Variants in ROBO2 observed in about 807,000 individuals in gnomAD.
The protein encoded by ROBO2 is roundabout guidance receptor 2.
Under a neutral mutation model 160.8 loss-of-function variants are expected in ROBO2, and 53 were observed. The ratio of observed to expected loss-of-function variants is 0.33; its 90% CI spans 0.26 to 0.41. The LOEUF (loss-of-function observed/expected upper bound fraction) is 0.41, where lower values mean the gene tolerates loss of function less well. ROBO2 is among the 10% of genes least tolerant of loss of function. The probability of loss-of-function intolerance (pLI) is 1.00; values close to 1 mark genes in which losing one functional copy is unlikely to be tolerated. For missense variants in ROBO2, 1,577 were observed against 1,722.4 expected (o/e 0.92, Z 1.49); for synonymous variants, 664 against 611.7 (o/e 1.09, Z -1.26).
At chr3:75,983,165 T>C (rs531514474) in intron 2 of ROBO2, among the ~76,000 whole-genome samples, 8 of 151,620 alleles carry the variant, frequency 5.3e-5, no homozygotes, top group African/African-American at 1.9e-4. Flanking sequence ...TCAGCTCTTT[T>C]TCCTTAGAAA....
rs901723225 is a variant in ROBO2, at chr3:76,163,556, T to C, written c.109+225954T>C. ...TATATGAATATATTTGAATTATATG[T>C]ATATACATATATATAGGCATTCATC... On this transcript the variant is annotated intron_variant, in intron 2 of 26. Transcript: ENST00000487694. Among the ~76,000 whole-genome samples the C allele has an allele frequency of 3.3e-5, 5 of 149,986 alleles. No individual in the cohort carries two copies. In the East Asian group the frequency reaches 7.8e-4, roughly 23 times the overall value.
intron 2 of ROBO2, among the ~76,000 whole-genome samples, chr3:76,251,141 A>G (rs1705969053): frequency 6.6e-6 from 1 of 152,050 alleles, no homozygotes; most frequent in Admixed American, 6.6e-5. Flanking sequence ...GCTGAGGTAT[A>G]AACACCATCT....
rs1353962435 is a variant in ROBO2 at position 76,017,878 on chromosome 3, G to A, written c.109+80276G>A. ...GCCCTGAATACTTCTCCACTCTTCC[G>A]TTTTTATAGAAACTAAGAGGAAATT... is the stretch of plus-strand genomic sequence containing the variant. On this transcript the variant is annotated intron_variant, in intron 2 of 26. Coordinates refer to the ROBO2 transcript ENST00000487694. Among the ~76,000 whole-genome samples the A allele has an allele frequency of 4.6e-5, 7 of 152,116 alleles. No individual in the cohort carries two copies. In the East Asian group the frequency reaches 5.8e-4, roughly 13 times the overall value.
chr3:76,526,612 T>C lies in ROBO2; in HGVS notation c.110-571402T>C, dbSNP rs150730076. Among the ~76,000 whole-genome samples, 22 of 152,178 alleles carry C rather than the reference T, an allele frequency of 1.4e-4. No individual in the cohort carries two copies. In the East Asian group the frequency reaches 2.9e-3, roughly 20 times the overall value. ...TAGTTTTTTTCTAATAATCATATTA[T>C]ATATTCAGTTTGGTTCTTCTATCTA... On this transcript the variant is annotated intron_variant, in intron 2 of 26. Transcript: ENST00000487694.
At chr3:76,640,539 TAATAAATAAATA>T (rs56257359) in intron 2 of ROBO2, among the ~76,000 whole-genome samples, 49,998 of 144,492 alleles carry the variant, frequency 0.35, 9,109 homozygotes, top group South Asian at 0.46. Flanking sequence ...GTCTCAAAAA[TAATAAATAAATA>T]AATAAATAAA....
intron 2 of ROBO2, among the ~76,000 whole-genome samples, chr3:76,837,940 A>G (rs1334811260): frequency 3.9e-5 from 6 of 152,008 alleles, no homozygotes; most frequent in African/African-American, 1.4e-4. Context: ...TTCAATTTGG[A>G]GTATTTTCCC....
chr3:75,961,307 A>G (rs1948903069), intron 2 of ROBO2, among the ~76,000 whole-genome samples: 1 of 151,624 alleles, frequency 6.6e-6, no homozygotes, highest in African/African-American at 2.4e-5. Context: ...TTACTTTTGT[A>G]TGTTATTTAA....
intron 14 of ROBO2, among the ~76,000 whole-genome samples, chr3:77,575,872 T>G (rs1165142433): frequency 1.3e-5 from 2 of 152,112 alleles, no homozygotes; most frequent in Non-Finnish European, 2.9e-5. Flanking sequence ...GCAGTTAGAC[T>G]TTTCCTCTGG....
intron 2 of ROBO2, among the ~76,000 whole-genome samples, chr3:76,838,326 C>A (rs1308077287): frequency 2.6e-5 from 4 of 151,956 alleles, no homozygotes; most frequent in Admixed American, 6.6e-5. Flanking sequence ...ATAACGAACC[C>A]ACAGATATGA....
intron 2 of ROBO2, among the ~76,000 whole-genome samples, chr3:77,159,331 G>GTGTGCAATCTGCTGGTAC (rs2078287992): frequency 6.6e-6 from 1 of 152,128 alleles, no homozygotes; most frequent in Non-Finnish European, 1.5e-5. Flanking sequence ...AGGAGGTAAT[G>GTGTGCAATCTGCTGGTAC]TGTGCAATCT....
intron 2 of ROBO2, among the ~76,000 whole-genome samples, chr3:76,608,824 C>G (rs1378187542): frequency 6.6e-6 from 1 of 152,004 alleles, no homozygotes; most frequent in Non-Finnish European, 1.5e-5. Context: ...TTTAAATTTT[C>G]ATAGTATTTG....
intron 2 of ROBO2, among the ~76,000 whole-genome samples, chr3:76,384,836 C>CGACACGT (rs2076804272): frequency 6.6e-6 from 1 of 152,292 alleles, no homozygotes; most frequent in African/African-American, 2.4e-5. Flanking sequence ...ATTCCTCCCA[C>CGACACGT]GACACGTGAG....
chr3:77,566,727 T>G (rs1193428609), intron 12 of ROBO2, among the ~76,000 whole-genome samples: 1 of 152,002 alleles, frequency 6.6e-6, no homozygotes, highest in Non-Finnish European at 1.5e-5. Flanking sequence ...GTGGTCTGGT[T>G]TGTTCCAATG....
intron 2 of ROBO2, among the ~76,000 whole-genome samples, chr3:76,822,513 T>A (rs1020539572): frequency 6.6e-6 from 1 of 152,138 alleles, no homozygotes; most frequent in South Asian, 2.1e-4. Context: ...ATGTAACATT[T>A]GTTGATAATT....
chr3:76,622,242 GA>G (rs1274512212), intron 2 of ROBO2, among the ~76,000 whole-genome samples: 515 of 91,404 alleles, frequency 5.6e-3, no homozygotes, highest in Non-Finnish European at 6.1e-3. Flanking sequence ...AAGGAAGAAA[GA>G]AAGAAAGAAA....
intron 2 of ROBO2, among the ~76,000 whole-genome samples, chr3:76,085,414 A>C (rs971517010): frequency 6.6e-6 from 1 of 152,172 alleles, no homozygotes; most frequent in Non-Finnish European, 1.5e-5. Flanking sequence ...AAAAAGGTAA[A>C]CAAAAAACCA....
At chr3:76,141,524 A>G (rs1044920116) in intron 2 of ROBO2, among the ~76,000 whole-genome samples, 5 of 151,890 alleles carry the variant, frequency 3.3e-5, no homozygotes, top group Non-Finnish European at 7.4e-5. Flanking sequence ...TTGAATAAAA[A>G]TACAAGGTAG....
At chr3:76,554,374 T>C (rs896804741) in intron 2 of ROBO2, among the ~76,000 whole-genome samples, 1 of 152,210 alleles carries the variant, frequency 6.6e-6, no homozygotes, top group South Asian at 2.1e-4. Context: ...CTTTTTCTTT[T>C]TGGGCTTTTT....
At chr3:77,602,407 C>A in exon 20 of ROBO2, 1 of 1,614,108 alleles carries the variant, frequency 6.2e-7, no homozygotes, top group Non-Finnish European at 8.5e-7. Context: ...TCTGCCTGAT[C>A]CACAATGGAA....
Sources: gnomAD v4.1 joint callset for allele counts (sites outside exome capture counted in the v4.1 genomes callset) on GRCh38, gnomAD v4.1.1 for gene constraint, MANE v1.5 for transcripts, NCBI Gene and HGNC (gene_info 2026-07-23, HGNC 2026-07-21) for gene names.